PDZD2: variants seen among roughly 807,000 people sequenced by gnomAD.
PDZD2 encodes PDZ domain containing 2, also known as PDZ domain-containing protein 2.
A neutral mutation model predicts 220.7 loss-of-function variants in PDZD2; 90 were observed. That is an observed-to-expected ratio of 0.41 (90% CI 0.34 to 0.49). PDZD2 has a LOEUF of 0.49. Among genes scored for constraint, PDZD2 ranks in the 20% least tolerant of loss-of-function variants. The pLI, the probability that PDZD2 is intolerant of heterozygous loss-of-function variation, is 0.28. For missense variants in PDZD2, 3,174 were observed against 3,608.5 expected, an observed-to-expected ratio of 0.88 and a Z score of 3.08; for synonymous variants, 1,375 against 1,450.5, an observed-to-expected ratio of 0.95 and a Z score of 1.18.
At chr5:31,787,748 A>C (rs902023194) in intron 1 of PDZD2, 1 of 151,968 alleles carries the variant, frequency 6.6e-6, no homozygotes, top group African/African-American at 2.4e-5. Flanking sequence ...CTAGGTTCTT[A>C]CCTTCTATAA....
chr5:31,827,512 G>A (rs1180592288), intron 2 of PDZD2, among the ~76,000 whole-genome samples: 1 of 151,858 alleles, frequency 6.6e-6, no homozygotes, highest in East Asian at 1.9e-4. Context: ...GGCCAACATG[G>A]TAACACCCCG....
At chr5:31,701,592 C>T (rs1271929124) in intron 1 of PDZD2, among the ~76,000 whole-genome samples, 1 of 152,148 alleles carries the variant, frequency 6.6e-6, no homozygotes, top group African/African-American at 2.4e-5. Flanking sequence ...AGCCTTCTTC[C>T]TGTCTTATTT....
chr5:32,015,961 G>A (rs1376358067), intron 6 of PDZD2, among the ~76,000 whole-genome samples: 5 of 152,212 alleles, frequency 3.3e-5, no homozygotes, highest in South Asian at 4.1e-4. Flanking sequence ...TCCGGCTTCC[G>A]TTGCCATCAA....
Position 31,742,284 on chromosome 5 carries a change from A to C in PDZD2, c.-360-56605A>C, listed in dbSNP as rs1750309733. Reference sequence around the variant, plus strand: ...AAGGTAAAGGTTGCCTCTTGGAAGCACGTGGGCTGAGCTTGATGTGGATGG... The same window carrying C: ...AAGGTAAAGGTTGCCTCTTGGAAGCCCGTGGGCTGAGCTTGATGTGGATGG... On this transcript the variant is annotated intron_variant, in intron 1 of 24. Transcript: ENST00000438447. The C allele has an allele frequency of 2.6e-5, 4 of 152,340 alleles. No homozygotes were observed. The South Asian group carries it at 8.3e-4, about 32-fold the overall frequency. 9.4% of individuals were successfully genotyped at this position (152,340 alleles called of 1,614,324 possible).
chr5:31,910,587 T>G (rs748189181), intron 2 of PDZD2, among the ~76,000 whole-genome samples: 17 of 151,930 alleles, frequency 1.1e-4, no homozygotes, highest in Non-Finnish European at 2.1e-4. Context: ...GAGATGGGGT[T>G]TCACCATGTT....
At chr5:32,015,523 ATTAC>A (rs1470684920) in intron 6 of PDZD2, among the ~76,000 whole-genome samples, 1 of 152,174 alleles carries the variant, frequency 6.6e-6, no homozygotes, top group East Asian at 1.9e-4. Flanking sequence ...GATAGCTGGG[ATTAC>A]AGAAGTGAGC....
chr5:31,811,245 C>T (rs1356228118), intron 2 of PDZD2, among the ~76,000 whole-genome samples: 1 of 152,208 alleles, frequency 6.6e-6, no homozygotes, highest in African/African-American at 2.4e-5. Context: ...CTCGGCCTCC[C>T]AAAGTGCTGG....
intron 1 of PDZD2, among the ~76,000 whole-genome samples, chr5:31,697,291 C>T (rs987027191): frequency 1.3e-5 from 2 of 152,040 alleles, no homozygotes; most frequent in Admixed American, 6.5e-5. Flanking sequence ...GGTGAAACCC[C>T]GTCTCTACTA....
At chr5:31,928,374 A>G (rs997221946) in intron 2 of PDZD2, among the ~76,000 whole-genome samples, 16 of 152,206 alleles carry the variant, frequency 1.1e-4, no homozygotes, top group African/African-American at 3.9e-4. Flanking sequence ...CACAGAGTTA[A>G]GGAGCATTCT....
chr5:32,026,490 C>G (rs1037140187), intron 6 of PDZD2, among the ~76,000 whole-genome samples: 7 of 152,152 alleles, frequency 4.6e-5, no homozygotes, highest in Non-Finnish European at 1.5e-5. Flanking sequence ...AACAGCCTTC[C>G]CACCACTACC....
At chr5:31,656,766 C>G (rs1472550400) in intron 1 of PDZD2, among the ~76,000 whole-genome samples, 3 of 152,178 alleles carry the variant, frequency 2.0e-5, no homozygotes, top group Non-Finnish European at 4.4e-5. Flanking sequence ...GCTTTGTTTT[C>G]TAAATCAGAT....
At chr5:31,880,520 G>A (rs991853533) in intron 2 of PDZD2, among the ~76,000 whole-genome samples, 1 of 152,088 alleles carries the variant, frequency 6.6e-6, no homozygotes, top group African/African-American at 2.4e-5. Context: ...TTCCAGAGTT[G>A]GCTTTAGCTT....
At chr5:31,877,546 A>T (rs1016804628) in intron 2 of PDZD2, among the ~76,000 whole-genome samples, 3 of 152,010 alleles carry the variant, frequency 2.0e-5, no homozygotes, top group Non-Finnish European at 4.4e-5. Context: ...CTCTTTCATA[A>T]TTTGTTTTAA....
intron 8 of PDZD2, 38 bp from the exon 9 acceptor site, chr5:32,052,573 G>T: frequency 6.2e-7 from 1 of 1,604,186 alleles, no homozygotes; most frequent in South Asian, 1.1e-5. Context: ...TAGAACAAAT[G>T]AGAGTAATCT....
At chr5:31,997,368 T>G (rs1287126698) in intron 4 of PDZD2, among the ~76,000 whole-genome samples, 1 of 152,138 alleles carries the variant, frequency 6.6e-6, no homozygotes, top group African/African-American at 2.4e-5. Flanking sequence ...GCAAAGTCTT[T>G]TATGCTCATC....
At chr5:32,094,661 A>G (rs1581483415) in intron 21 of PDZD2, among the ~76,000 whole-genome samples, 1 of 151,572 alleles carries the variant, frequency 6.6e-6, no homozygotes, top group South Asian at 2.1e-4. Context: ...GGAGTTCGAG[A>G]CCAGCCTCAT....
chr5:31,964,929 A>G (rs941037657), intron 2 of PDZD2, among the ~76,000 whole-genome samples: 1 of 152,086 alleles, frequency 6.6e-6, no homozygotes, highest in Non-Finnish European at 1.5e-5. Flanking sequence ...GTACCGTGTT[A>G]GCCAGGATGG....
At chr5:31,816,107 T>A (rs1755432795) in intron 2 of PDZD2, among the ~76,000 whole-genome samples, 1 of 151,844 alleles carries the variant, frequency 6.6e-6, no homozygotes. Flanking sequence ...GCTAACACAG[T>A]GAAACCCTGT....
At chr5:32,036,857 G>A (rs187582651) in intron 6 of PDZD2, among the ~76,000 whole-genome samples, 95 of 152,372 alleles carry the variant, frequency 6.2e-4, no homozygotes, top group African/African-American at 1.3e-3. Context: ...CTGGGCTTGC[G>A]TTGTAGCTTT....
Sources: gnomAD v4.1 joint callset for allele counts (sites outside exome capture counted in the v4.1 genomes callset) on GRCh38, gnomAD v4.1.1 for gene constraint, MANE v1.5 for transcripts, NCBI Gene and HGNC (gene_info 2026-07-23, HGNC 2026-07-21) for gene names.